Variants in OR1D2 observed in about 807,000 individuals in gnomAD.
OR1D2 encodes olfactory receptor family 1 subfamily D member 2.
For synonymous variants in OR1D2, 157 were observed against 153.9 expected, an observed-to-expected ratio of 1.02 and a Z score of -0.15; for missense variants, 357 against 376.1, an observed-to-expected ratio of 0.95 and a Z score of 0.42.
intron 1 of OR1D2, among the ~76,000 whole-genome samples, chr17:3,099,475 C>T (rs2047864875): frequency 6.6e-6 from 1 of 152,134 alleles, no homozygotes; most frequent in African/African-American, 2.4e-5. Context: ...CAAGCAAATG[C>T]TCAGGGATTT....
chr17:3,103,964 A>G (rs1351590342), intron 1 of OR1D2, 135 bp downstream of exon 1: 1 of 152,210 alleles, frequency 6.6e-6, no homozygotes, highest in African/African-American at 2.4e-5. Context: ...ACCTTTGAAG[A>G]CTAAGAGGTG....
chr17:3,091,930 ATATC>A lies in OR1D2; in HGVS notation c.*124_*127del. The A allele has an allele frequency of 1.4e-6, 1 of 721,566 alleles. No individual in the cohort carries two copies. The highest frequency in any genetic ancestry group is 1.8e-5 in the African/African-American group (1 of 56,358). 44.7% of individuals were successfully genotyped at this position (721,566 alleles called of 1,614,324 possible). A position where few individuals can be genotyped will look rare whatever the true frequency, so the allele number is the denominator to read the frequency against. ...ACAAATATGTCTTTTTTATCACCACATATCTATATGCTGTCTCTGAGCTGGAGCC... is the reference window on the plus strand; with the variant it reads ...ACAAATATGTCTTTTTTATCACCACATATATGCTGTCTCTGAGCTGGAGCC... On this transcript the variant is annotated 3_prime_UTR_variant, in exon 2 of 2. Coordinates refer to ENST00000641833, the MANE Select transcript of OR1D2 (RefSeq NM_002548.3).
intron 1 of OR1D2, among the ~76,000 whole-genome samples, chr17:3,098,718 TAAC>T (rs1287140496): frequency 2.0e-5 from 3 of 152,046 alleles, no homozygotes; most frequent in Non-Finnish European, 4.4e-5. Context: ...AGATGGGTAA[TAAC>T]AAACTCCTCC....
At position 3,092,675 on chromosome 17, in the gene OR1D2, C is replaced by T. The variant is rs865911089; in HGVS notation, c.322G>A (p.Val108Met). The change falls in exon 2 of 2, where the codon GTG (valine) becomes ATG (methionine). Residue 108 changes from valine (V) to methionine (M), a missense_variant. By Grantham distance (21) the Val-to-Met change is conservative. Coordinates refer to ENST00000641833, the MANE Select transcript of OR1D2 (RefSeq NM_002548.3). The part of the protein sequence containing the change: ...LTQLYFLVSL[V>M]ALDNLILAVM... ...GCCAGGATGAGGTTGTCCAGGGCCACCAAGGAGACCAGGAAGTAGAGCTGT... is the reference window on the plus strand; with the variant it reads ...GCCAGGATGAGGTTGTCCAGGGCCATCAAGGAGACCAGGAAGTAGAGCTGT... 3 of 1,614,004 alleles carry T rather than the reference C, an allele frequency of 1.9e-6. No homozygotes were observed. Among genetic ancestry groups the T allele is most frequent in the Middle Eastern group, 3.3e-4 (2 of 6,060 alleles).
Position 3,093,066 on chromosome 17 carries a change from G to C in OR1D2, c.-50-20C>G. On this transcript the variant is annotated intron_variant, in intron 1 of 1. Coordinates refer to ENST00000641833, the MANE Select transcript of OR1D2 (RefSeq NM_002548.3). ...AAAGTCCTTAATTGAATAAAAACAT[G>C]AAGATAAGCAAAATCAACATTTTCT... 1.5e-6 allele frequency: 2 copies of C among 1,369,574 alleles called. No individual in the cohort carries two copies. The highest frequency in any genetic ancestry group is 2.0e-6 in the Non-Finnish European group (2 of 986,256). 84.8% of individuals were successfully genotyped at this position (1,369,574 alleles called of 1,614,324 possible).
intron 1 of OR1D2, among the ~76,000 whole-genome samples, chr17:3,099,628 A>T (rs971392356): frequency 3.0e-4 from 46 of 152,182 alleles, no homozygotes; most frequent in Admixed American, 2.4e-3. Context: ...CCAGTGTGCA[A>T]AATAACCAGC....
At position 3,100,366 on chromosome 17, in the gene OR1D2, G is replaced by T. The variant is rs192808822; in HGVS notation, c.-51+3733C>A. Reference sequence around the variant, plus strand: ...CCATCAAATTAGAACTCAGGATTGAGAAACTCATTCAAAACCACACAATTA... The same window carrying T: ...CCATCAAATTAGAACTCAGGATTGATAAACTCATTCAAAACCACACAATTA... On this transcript the variant is annotated intron_variant, in intron 1 of 1. Coordinates refer to ENST00000641833, the MANE Select transcript of OR1D2 (RefSeq NM_002548.3). Among the ~76,000 whole-genome samples the T allele has an allele frequency of 2.0e-5, 3 of 152,276 alleles. No individual in the cohort carries two copies. The East Asian group carries it at 5.8e-4, about 29-fold the overall frequency.
At position 3,092,993 on chromosome 17, in the gene OR1D2, C is replaced by T. The variant is rs558724433; in HGVS notation, c.4G>A (p.Asp2Asn). The change falls in exon 2 of 2, where the codon GAT (aspartate) becomes AAT (asparagine). Residue 2 changes from aspartate to asparagine, a missense_variant. By Grantham distance (23) the Asp-to-Asn change is conservative. Transcript: ENST00000641833. M[D>N]GGNQSEGSEF... is the part of the protein sequence containing the mutation. Reference sequence around the variant, plus strand: ...GAACCTTCACTCTGGTTGCCTCCATCCATTTCCCCAACTCTCTTTTAACAT... The same window carrying T: ...GAACCTTCACTCTGGTTGCCTCCATTCATTTCCCCAACTCTCTTTTAACAT... 2 of 1,613,620 alleles carry T rather than the reference C, an allele frequency of 1.2e-6. No individual in the cohort carries two copies. The highest frequency in any genetic ancestry group is 1.7e-5 in the Admixed American group (1 of 59,962).
In OR1D2 at chr17:3,092,779, A is replaced by G; in HGVS notation, c.218T>C (p.Phe73Ser). The G allele has an allele frequency of 6.2e-7, 1 of 1,614,042 alleles. No homozygotes were observed. Among genetic ancestry groups the G allele is most frequent in the Non-Finnish European group, 8.5e-7 (1 of 1,179,994 alleles). Residue 73 changes from phenylalanine to serine, a missense_variant, in exon 2 of 2, where the codon TTT (phenylalanine) becomes TCT (serine). Physicochemically the swap from Phe to Ser is radical, Grantham distance 155. Coordinates refer to ENST00000641833, the MANE Select transcript of OR1D2 (RefSeq NM_002548.3). The stretch of plus-strand genomic sequence containing the variant: ...CATCTTGGGGATTGTGTTGGTGACA[A>G]AGAAGAGGTCAGTGAAGGAGAGGTT... The part of the protein sequence containing the change: ...LANLSFTDLF[F>S]VTNTIPKMLV...
chr17:3,103,712 G>C lies in OR1D2; in HGVS notation c.-51+387C>G, dbSNP rs145427429. The stretch of plus-strand genomic sequence containing the variant: ...CCTCTGTTGTGTTGCTGGGGTGTGA[G>C]GGGGGAGATTGTAGGGGCAATATGG... On this transcript the variant is annotated intron_variant, in intron 1 of 1. Coordinates refer to ENST00000641833, the MANE Select transcript of OR1D2 (RefSeq NM_002548.3). Among the ~76,000 whole-genome samples the C allele has an allele frequency of 3.9e-3, 600 of 152,230 alleles. 5 individuals carry two copies. Among genetic ancestry groups the C allele is most frequent in the Middle Eastern group, 0.017 (5 of 294 alleles).
chr17:3,098,841 T>C (rs1177411859), intron 1 of OR1D2, among the ~76,000 whole-genome samples: 1 of 152,118 alleles, frequency 6.6e-6, no homozygotes, highest in Non-Finnish European at 1.5e-5. Flanking sequence ...ATAAATGACC[T>C]GATGGAGCTG....
At chr17:3,099,693 TG>T (rs1275830777) in intron 1 of OR1D2, among the ~76,000 whole-genome samples, 3 of 152,128 alleles carry the variant, frequency 2.0e-5, no homozygotes, top group African/African-American at 7.2e-5. Context: ...TAAATGTAAA[TG>T]GGCTAAATGC....
chr17:3,096,358 C>T (rs2047844571), intron 1 of OR1D2, among the ~76,000 whole-genome samples: 1 of 152,218 alleles, frequency 6.6e-6, no homozygotes. Context: ...TTCACAGATA[C>T]AGCAAGGTTG....
chr17:3,098,352 GT>G (rs2151708053), intron 1 of OR1D2, among the ~76,000 whole-genome samples: 1 of 152,254 alleles, frequency 6.6e-6, no homozygotes, highest in African/African-American at 2.4e-5. Flanking sequence ...ACCTCCTTGA[GT>G]GATACCTCCA....
chr17:3,099,136 T>C (rs2047863041), intron 1 of OR1D2, among the ~76,000 whole-genome samples: 1 of 151,094 alleles, frequency 6.6e-6, no homozygotes, highest in Non-Finnish European at 1.5e-5. Flanking sequence ...CTTCCCCAAC[T>C]AGCAAGACAG....
chr17:3,099,704 C>T (rs1384354481), intron 1 of OR1D2, among the ~76,000 whole-genome samples: 2 of 152,186 alleles, frequency 1.3e-5, no homozygotes, highest in Non-Finnish European at 2.9e-5. Flanking sequence ...GGGCTAAATG[C>T]CCCAATTAAA....
At chr17:3,099,534 T>C (rs1162960430) in intron 1 of OR1D2, among the ~76,000 whole-genome samples, 1 of 151,928 alleles carries the variant, frequency 6.6e-6, no homozygotes, top group Non-Finnish European at 1.5e-5. Flanking sequence ...AAGCACTAAA[T>C]ATGGAAAGGA....
At chr17:3,101,163 C>T (rs1239573252) in intron 1 of OR1D2, among the ~76,000 whole-genome samples, 1 of 152,192 alleles carries the variant, frequency 6.6e-6, no homozygotes, top group Non-Finnish European at 1.5e-5. Context: ...TCCTCCTTAA[C>T]TCATTTTATG....
At chr17:3,097,885 G>T (rs1267044999) in intron 1 of OR1D2, among the ~76,000 whole-genome samples, 1 of 152,184 alleles carries the variant, frequency 6.6e-6, no homozygotes, top group Non-Finnish European at 1.5e-5. Flanking sequence ...GTCCACCACA[G>T]CCCAACACAC....
Sources: allele counts gnomAD v4.1 joint callset (sites outside exome capture counted in the v4.1 genomes callset), GRCh38; gene constraint gnomAD v4.1.1; transcripts MANE v1.5; gene names NCBI Gene and HGNC (gene_info 2026-07-23, HGNC 2026-07-21).